The following SLC22A5 variants were observed in gnomAD, a reference collection of about 807,000 sequenced individuals.
SLC22A5 encodes the protein organic cation/carnitine transporter 2.
SLC22A5 carries 44 observed loss-of-function variants against 56.7 expected under a neutral mutation model. The ratio of observed to expected loss-of-function variants is 0.78; its 90% CI spans 0.61 to 1.00. The LOEUF (loss-of-function observed/expected upper bound fraction) is 1.00, where lower values mean the gene tolerates loss of function less well. SLC22A5 is among the 50% of genes least tolerant of loss of function. The pLI, the probability that SLC22A5 is intolerant of heterozygous loss-of-function variation, is 0.00. For missense variants in SLC22A5, 675 were observed against 723.0 expected, an observed-to-expected ratio of 0.93 and a Z score of 0.76; for synonymous variants, 278 against 292.1, an observed-to-expected ratio of 0.95 and a Z score of 0.49.
intron 2 of SLC22A5, 39 bp from the exon 3 acceptor site, chr5:132,384,108 T>A: frequency 6.2e-7 from 1 of 1,612,414 alleles, no homozygotes; most frequent in Non-Finnish European, 8.5e-7. Flanking sequence ...CTGCTGCCCT[T>A]TTCCAGCTGG....
chr5:132,385,195 G>T (rs1752479252), intron 3 of SLC22A5, 133 bp from the exon 4 acceptor site: 1 of 840,888 alleles, frequency 1.2e-6, no homozygotes, highest in Non-Finnish European at 2.0e-6. Context: ...AACGCCATCC[G>T]CTCCCTAGCG....
intron 2 of SLC22A5, chr5:132,383,815 C>T: frequency 3.1e-6 from 1 of 319,984 alleles, no homozygotes; most frequent in Non-Finnish European, 5.9e-6. Context: ...CTGTTATTCT[C>T]CAAATTTGGC....
chr5:132,389,455 CTCCTGGGATGTCCATAAACGG>C, intron 6 of SLC22A5: 1 of 305,186 alleles, frequency 3.3e-6, no homozygotes, highest in Non-Finnish European at 6.4e-6. Flanking sequence ...GGATGTGCTC[CTCCTGGGATGTCCATAAACGG>C]TCCTGGAGTC....
intron 2 of SLC22A5, chr5:132,381,478 T>G (rs1054089419): frequency 6.6e-6 from 1 of 152,232 alleles, no homozygotes; most frequent in African/African-American, 2.4e-5. Context: ...AGCTTCTGAG[T>G]GCATTACTTC....
intron 5 of SLC22A5, among the ~76,000 whole-genome samples, chr5:132,387,598 G>C (rs1029962621): frequency 6.6e-5 from 10 of 151,940 alleles, no homozygotes; most frequent in African/African-American, 2.4e-4. Context: ...TTCATCTCTT[G>C]AGTATTAGCA....
chr5:132,392,744 GGATCTT>G, intron 8 of SLC22A5, 129 bp downstream of exon 8: 1 of 805,322 alleles, frequency 1.2e-6, no homozygotes, highest in Non-Finnish European at 2.1e-6. Context: ...ATCCAGTACT[GGATCTT>G]TGGCCGGGAA....
At chr5:132,385,299 G>A in intron 3 of SLC22A5, 29 bp from the exon 4 acceptor site, 2 of 1,607,246 alleles carry the variant, frequency 1.2e-6, no homozygotes, top group Non-Finnish European at 1.7e-6. Context: ...AAATTAAACT[G>A]CTAACTCGAC....
rs1230802964 is a variant in SLC22A5, at chr5:132,375,058, G to GA, written c.394-3312dup. Among the ~76,000 whole-genome samples, 11 of 151,856 alleles carry GA rather than the reference G, an allele frequency of 7.2e-5. No individual in the cohort carries two copies. In the South Asian group the frequency reaches 1.0e-3, roughly 14 times the overall value. ...GACAGAGCAAGACTCTGTTTCAAAA[G>GA]AAAAAAAAGAGTATTCTGGAGATTG... On this transcript the variant is annotated intron_variant, in intron 1 of 9. Coordinates refer to ENST00000245407, the MANE Select transcript of SLC22A5 (RefSeq NM_003060.4).
rs1370257738 is a variant in SLC22A5 at position 132,378,530 on chromosome 5, G to T, written c.497+49G>T. 7 of 1,337,856 alleles carry T rather than the reference G, an allele frequency of 5.2e-6. No homozygotes were observed. The Admixed American group carries it at 8.4e-5, about 16-fold the overall frequency. 82.9% of individuals were successfully genotyped at this position (1,337,856 alleles called of 1,614,324 possible). On this transcript the variant is annotated intron_variant, in intron 2 of 9. Coordinates refer to ENST00000245407, the MANE Select transcript of SLC22A5 (RefSeq NM_003060.4). ...ACCAGGGGACCTCAGCACTGAGGAA[G>T]AAGCGTGTGCCTGGCCCTTGATTTC...
In SLC22A5 at chr5:132,369,919, A is replaced by T; in HGVS notation, c.-54A>T. The stretch of plus-strand genomic sequence containing the variant: ...GCGGGTGCCCCGCGCGCACGCGCAA[A>T]GCCCGCCGCGTTCCCCGACCCCAGG... On this transcript the variant is annotated 5_prime_UTR_variant, in exon 1 of 10. It adds an upstream start codon to the 5' untranslated region. Transcript: ENST00000245407. 1.2e-6 allele frequency: 2 copies of T among 1,601,500 alleles called. No homozygotes were observed. Among genetic ancestry groups the T allele is most frequent in the Non-Finnish European group, 1.7e-6 (2 of 1,175,332 alleles).
chr5:132,377,437 C>T (rs1752183624), intron 1 of SLC22A5: 1 of 152,230 alleles, frequency 6.6e-6, no homozygotes, highest in African/African-American at 2.4e-5. Context: ...TACTGAGCAC[C>T]ATCTCTCTGT....
At chr5:132,377,831 C>T (rs1404860020) in intron 1 of SLC22A5, 2 of 306,934 alleles carry the variant, frequency 6.5e-6, no homozygotes, top group Admixed American at 9.2e-5. Flanking sequence ...ATCAGGGATT[C>T]CAGCTCTAAA....
intron 4 of SLC22A5, 135 bp from the exon 5 acceptor site, chr5:132,386,890 T>C (rs1580887947): frequency 1.1e-6 from 1 of 950,148 alleles, no homozygotes; most frequent in East Asian, 2.4e-5. Context: ...GCTCTTTGCT[T>C]CTGGCTTGTG....
chr5:132,383,536 C>A (rs274561), intron 2 of SLC22A5: 56,847 of 155,454 alleles, frequency 0.37, 11,371 homozygotes, highest in East Asian at 0.65. Context: ...TCCTTTTGGC[C>A]AGACCATAGG....
intron 2 of SLC22A5, 108 bp from the exon 3 acceptor site, chr5:132,384,039 C>A: frequency 1.8e-6 from 2 of 1,109,068 alleles, no homozygotes; most frequent in Non-Finnish European, 2.7e-6. Flanking sequence ...TCTGGCAACA[C>A]TGTTCACACC....
chr5:132,388,894 C>T (rs2126787954), intron 5 of SLC22A5, 27 bp from the exon 6 acceptor site: 2 of 1,451,176 alleles, frequency 1.4e-6, no homozygotes, highest in Non-Finnish European at 1.9e-6. Flanking sequence ...CTCTTCTTCC[C>T]ATACACTTAT....
rs3788988 is a variant in SLC22A5, at chr5:132,370,679, C to T, written c.393+314C>T. ...GCTCTATGGCCCTGTGTGTCCAGGA[C>T]TTACTCTAGTTGGGGTTGGGGGTGG... On this transcript the variant is annotated intron_variant, in intron 1 of 9. Transcript: ENST00000245407. Among the ~76,000 whole-genome samples the T allele has an allele frequency of 0.073, 11,052 of 152,196 alleles. 530 individuals are homozygous for T. The highest frequency in any genetic ancestry group is 0.27 in the East Asian group (1,372 of 5,150).
intron 7 of SLC22A5, 29 bp downstream of exon 7, chr5:132,390,933 G>A: frequency 6.4e-7 from 1 of 1,562,492 alleles, no homozygotes; most frequent in Non-Finnish European, 8.8e-7. Context: ...TATGGTTTGG[G>A]GTCTTCACTG....
At chr5:132,386,950 T>C (rs763598072) in intron 4 of SLC22A5, 75 bp from the exon 5 acceptor site, 75 of 1,504,132 alleles carry the variant, frequency 5.0e-5, no homozygotes, top group Non-Finnish European at 6.1e-5. Context: ...TTCCCACCTA[T>C]GGCTGTGCTC....
Sources: allele counts gnomAD v4.1 joint callset (sites outside exome capture counted in the v4.1 genomes callset), GRCh38; gene constraint gnomAD v4.1.1; transcripts MANE v1.5; gene names NCBI Gene and HGNC (gene_info 2026-07-23, HGNC 2026-07-21).